Variants in BAZ1A observed in about 807,000 individuals in gnomAD.
The protein encoded by BAZ1A is bromodomain adjacent to zinc finger domain protein 1A.
Under a neutral mutation model 185.2 loss-of-function variants are expected in BAZ1A, and 50 were observed. The ratio of observed to expected loss-of-function variants is 0.27; its 90% CI spans 0.22 to 0.34. BAZ1A has a LOEUF of 0.34. BAZ1A is among the 10% of genes least tolerant of loss of function. The probability of loss-of-function intolerance (pLI) is 1.00; values close to 1 mark genes in which losing one functional copy is unlikely to be tolerated. For missense variants in BAZ1A, 1,356 were observed against 1,839.9 expected, an observed-to-expected ratio of 0.74 and a Z score of 4.81; for synonymous variants, 571 against 615.6, an observed-to-expected ratio of 0.93 and a Z score of 1.07.
At chr14:34,776,601 T>G (rs1879629219) in intron 17 of BAZ1A, 86 bp from the exon 18 acceptor site, 2 of 1,152,390 alleles carry the variant, frequency 1.7e-6, no homozygotes, top group Non-Finnish European at 2.4e-6. Flanking sequence ...CCCAAGTTAT[T>G]AGGTGTTATG....
intron 4 of BAZ1A, among the ~76,000 whole-genome samples, chr14:34,824,408 C>CAAAAAAAAAA: frequency 1.8e-4 from 12 of 65,772 alleles, no homozygotes; most frequent in East Asian, 5.9e-4. Context: ...AGCAGCAACT[C>CAAAAAAAAAA]AAAAAAAAAA....
chr14:34,826,329 T>C (rs932691322), intron 3 of BAZ1A, among the ~76,000 whole-genome samples, 173 bp from the exon 4 acceptor site: 10 of 152,236 alleles, frequency 6.6e-5, no homozygotes, highest in South Asian at 2.1e-4. Flanking sequence ...AAATATTAGA[T>C]ATAATTTAAA....
chr14:34,773,432 A>G (rs1041048191), intron 20 of BAZ1A, 140 bp downstream of exon 20: 2 of 700,028 alleles, frequency 2.9e-6, no homozygotes, highest in Non-Finnish European at 4.5e-6. Flanking sequence ...GATCAGTCCA[A>G]TGGTTACAAA....
chr14:34,791,147 A>AG (rs1491243997), intron 12 of BAZ1A, among the ~76,000 whole-genome samples: 8 of 71,096 alleles, frequency 1.1e-4, no homozygotes, highest in South Asian at 5.4e-4. Flanking sequence ...AAGAGAAGAG[A>AG]AAAGAGAAGA....
intron 2 of BAZ1A, among the ~76,000 whole-genome samples, chr14:34,866,961 TA>T (rs10635851): frequency 0.15 from 22,258 of 148,200 alleles, 1,849 homozygotes; most frequent in Admixed American, 0.27. Context: ...CATTCTTCTT[TA>T]AAAAAAAAAA....
At position 34,874,739 on chromosome 14, in the gene BAZ1A, G is replaced by A. The variant is rs1288000890; in HGVS notation, c.-58-77C>T. On this transcript the variant is annotated intron_variant, in intron 1 of 26. Transcript: ENST00000360310. The surrounding 1 kb of genome is among the most constrained non-coding windows in gnomAD (Gnocchi z 4.7). Reference sequence around the variant, plus strand: ...GCAGCGTGGGCCGGTCCGCGCGCTGGGAGAAGCTCGGCTGCCTTTTGTGTG... The same window carrying A: ...GCAGCGTGGGCCGGTCCGCGCGCTGAGAGAAGCTCGGCTGCCTTTTGTGTG... 4 of 628,382 alleles carry A rather than the reference G, an allele frequency of 6.4e-6. No homozygotes were observed. Among genetic ancestry groups the A allele is most frequent in the African/African-American group, 2.0e-5 (1 of 51,102 alleles). The allele number at this position is 628,382 out of a possible 1,614,324, so 38.9% of individuals were successfully genotyped here. A position where few individuals can be genotyped will look rare whatever the true frequency, so the allele number is the denominator to read the frequency against.
chr14:34,873,805 C>T (rs1426917359), intron 2 of BAZ1A, among the ~76,000 whole-genome samples: 3 of 152,128 alleles, frequency 2.0e-5, no homozygotes, highest in Non-Finnish European at 2.9e-5. Flanking sequence ...GAGGCGGTGA[C>T]AGAGAGCGCG....
chr14:34,792,181 C>T (rs569631527), intron 12 of BAZ1A, among the ~76,000 whole-genome samples: 7 of 152,202 alleles, frequency 4.6e-5, no homozygotes, highest in East Asian at 1.9e-4. Context: ...GTCAGAAGTT[C>T]GAGACCAGCC....
intron 2 of BAZ1A, among the ~76,000 whole-genome samples, chr14:34,866,502 A>AAAAAAAAATAAAG: frequency 2.5e-5 from 2 of 79,566 alleles, no homozygotes; most frequent in East Asian, 5.4e-4. Context: ...AAAAAAAAAA[A>AAAAAAAAATAAAG]GAAAAAAGTT....
chr14:34,788,737 C>A (rs1880660576), intron 12 of BAZ1A, among the ~76,000 whole-genome samples: 1 of 152,154 alleles, frequency 6.6e-6, no homozygotes, highest in Non-Finnish European at 1.5e-5. Context: ...GATGAGAATT[C>A]TGCCTTTTCA....
chr14:34,871,906 T>G (rs1439625349), intron 2 of BAZ1A, among the ~76,000 whole-genome samples: 1 of 152,102 alleles, frequency 6.6e-6, no homozygotes, highest in Non-Finnish European at 1.5e-5. Flanking sequence ...TCCGTCATAG[T>G]TTTTCCAGAG....
chr14:34,795,661 T>G lies in BAZ1A; in HGVS notation c.1224+9A>C, dbSNP rs1367780656. 6.3e-7 allele frequency: 1 copy of G among 1,586,810 alleles called. No individual in the cohort carries two copies. Among genetic ancestry groups the G allele is most frequent in the Middle Eastern group, 1.7e-4 (1 of 5,954 alleles). On this transcript the variant is annotated intron_variant, in intron 10 of 26. Transcript: ENST00000360310. The stretch of plus-strand genomic sequence containing the variant: ...TATGTGTGCTAAACATCACATAACA[T>G]GTTTATACCTTAAGGTCATCACATT...
chr14:34,754,527 T>G (rs1019368235), intron 26 of BAZ1A, among the ~76,000 whole-genome samples: 1 of 152,202 alleles, frequency 6.6e-6, no homozygotes, highest in Non-Finnish European at 1.5e-5. Flanking sequence ...AAAATTGTTT[T>G]ATTGAAACTA....
chr14:34,787,276 C>T (rs1325756204), intron 12 of BAZ1A, among the ~76,000 whole-genome samples: 21 of 144,810 alleles, frequency 1.5e-4, no homozygotes, highest in African/African-American at 5.4e-4. Context: ...TCACTTGAAC[C>T]TGGGAGGCAG....
At chr14:34,808,286 G>T (rs973965335) in intron 5 of BAZ1A, among the ~76,000 whole-genome samples, 1 of 151,956 alleles carries the variant, frequency 6.6e-6, no homozygotes, top group South Asian at 2.1e-4. Context: ...TTGAGGTCAG[G>T]AGTTCGAGAC....
chr14:34,832,191 T>TATACAC lies in BAZ1A; in HGVS notation c.393-6036_393-6035insGTGTAT, dbSNP rs1555343240. Among the ~76,000 whole-genome samples, 260 of 96,238 alleles carry TATACAC rather than the reference T, an allele frequency of 2.7e-3. 4 individuals are homozygous for TATACAC. Among genetic ancestry groups the TATACAC allele is most frequent in the South Asian group, 6.1e-3 (15 of 2,468 alleles). The allele number at this position is 96,238 out of a possible 152,430, so 63.1% of individuals were successfully genotyped here. ...GTGTGTATATATACATATATACATA[T>TATACAC]ACACACACACACACACACACACACA... is the stretch of plus-strand genomic sequence containing the variant. On this transcript the variant is annotated intron_variant, in intron 3 of 26. Coordinates refer to ENST00000360310, the MANE Select transcript of BAZ1A (RefSeq NM_013448.3).
Position 34,874,650 on chromosome 14 carries a change from C to CT in BAZ1A, c.-47_-46insA, listed in dbSNP as rs1342276247. On this transcript the variant is annotated 5_prime_UTR_variant, in exon 2 of 27. Coordinates refer to ENST00000360310, the MANE Select transcript of BAZ1A (RefSeq NM_013448.3). The surrounding 1 kb of genome is among the most constrained non-coding windows in gnomAD (Gnocchi z 4.7). Reference sequence around the variant, plus strand: ...CGCCTGGACCCTCGGCCGCCCGCGCCGGCCCCGCTTCCCTATCAAAATTGG... The same window carrying CT: ...CGCCTGGACCCTCGGCCGCCCGCGCCTGGCCCCGCTTCCCTATCAAAATTGG... 6.7e-7 allele frequency: 1 copy of CT among 1,500,866 alleles called. No individual in the cohort carries two copies. Among genetic ancestry groups the CT allele is most frequent in the Non-Finnish European group, 9.1e-7 (1 of 1,098,204 alleles). 93.0% of individuals were successfully genotyped at this position (1,500,866 alleles called of 1,614,324 possible).
intron 3 of BAZ1A, among the ~76,000 whole-genome samples, chr14:34,828,316 T>A (rs77964503): frequency 0.068 from 6,746 of 99,184 alleles, 242 homozygotes; most frequent in East Asian, 0.22. Flanking sequence ...AAAAAAAAAA[T>A]ACTCCTTAAT....
intron 14 of BAZ1A, among the ~76,000 whole-genome samples, chr14:34,784,684 A>T (rs908184503): frequency 2.7e-5 from 4 of 150,908 alleles, no homozygotes; most frequent in African/African-American, 9.7e-5. Flanking sequence ...CGCCTAGCTA[A>T]TTTTTTTGTA....
Sources: allele counts gnomAD v4.1 joint callset (sites outside exome capture counted in the v4.1 genomes callset), GRCh38; gene constraint gnomAD v4.1.1; non-coding constraint Gnocchi (gnomAD v3.1); transcripts MANE v1.5; gene names NCBI Gene and HGNC (gene_info 2026-07-23, HGNC 2026-07-21).